Variants in SCN3A observed in about 807,000 individuals in gnomAD.
SCN3A encodes sodium channel protein type 3 subunit alpha.
A neutral mutation model predicts 187.6 loss-of-function variants in SCN3A; 60 were observed. The observed-to-expected ratio is 0.32, with a 90% confidence interval of 0.26 to 0.40. The LOEUF (loss-of-function observed/expected upper bound fraction) is 0.40. SCN3A is among the 10% of genes least tolerant of loss of function. The pLI, the probability that SCN3A is intolerant of heterozygous loss-of-function variation, is 1.00. For synonymous variants in SCN3A, 788 were observed against 829.2 expected, an observed-to-expected ratio of 0.95 and a Z score of 0.85; for missense variants, 1,601 against 2,428.2, an observed-to-expected ratio of 0.66 and a Z score of 7.16.
At chr2:165,102,516 T>G (rs1685655815) in intron 21 of SCN3A, among the ~76,000 whole-genome samples, 1 of 151,276 alleles carries the variant, frequency 6.6e-6, no homozygotes, top group Non-Finnish European at 1.5e-5. Context: ...GCCTCTTTTC[T>G]CTTTAAAAAA....
At chr2:165,161,137 C>CTTTTTTT (rs61608647) in intron 9 of SCN3A, among the ~76,000 whole-genome samples, 1,053 of 93,372 alleles carry the variant, frequency 0.011, no homozygotes, top group African/African-American at 0.013. Flanking sequence ...TTCTTTCTTT[C>CTTTTTTT]TTTTTTTTTT....
intron 6 of SCN3A, chr2:165,164,017 C>A: frequency 3.5e-6 from 3 of 861,118 alleles, no homozygotes; most frequent in Non-Finnish European, 5.5e-6. Flanking sequence ...AGACCTCAGG[C>A]TGCCATATGC....
At chr2:165,135,380 A>G (rs1176856214) in intron 15 of SCN3A, among the ~76,000 whole-genome samples, 3 of 152,104 alleles carry the variant, frequency 2.0e-5, no homozygotes, top group African/African-American at 4.8e-5. Context: ...AATGGGGCAT[A>G]TTGATCTAAG....
Position 165,168,721 on chromosome 2 carries a change from G to A in SCN3A, c.473+15C>T. On this transcript the variant is annotated intron_variant, in intron 5 of 27. Transcript: ENST00000283254. ...GAGTGTGCATTTCTCATTCCCAGAA[G>A]TTATTCCTACTTACTCTACATTCTT... 1 of 1,553,506 alleles carries A rather than the reference G, an allele frequency of 6.4e-7. No homozygotes were observed. Among genetic ancestry groups the A allele is most frequent in the East Asian group, 2.2e-5 (1 of 44,494 alleles).
chr2:165,116,620 T>A (rs960838646), intron 18 of SCN3A, among the ~76,000 whole-genome samples: 9 of 152,188 alleles, frequency 5.9e-5, no homozygotes, highest in African/African-American at 1.9e-4. Context: ...GTTACTGTGT[T>A]ATTTTTAAAA....
In SCN3A at chr2:165,091,298, A is replaced by G. The variant is rs199663956; in HGVS notation, c.4855T>C (p.Leu1619=). The G allele has an allele frequency of 4.8e-5, 78 of 1,614,108 alleles. 2 individuals carry two copies. The highest frequency in any genetic ancestry group is 4.8e-4 in the South Asian group (44 of 91,088). Residue 1619 remains leucine, a synonymous_variant, in exon 28 of 28, where the codon TTG becomes CTG. Transcript: ENST00000283254. ...MIEKYFVSPT[L]FRVIRLARIG... Reference sequence around the variant, plus strand: ...CTGGCAAGACGGATCACTCGGAACAAGGTAGGGGACACAAAATACTTTTCT... The same window carrying G: ...CTGGCAAGACGGATCACTCGGAACAGGGTAGGGGACACAAAATACTTTTCT...
chr2:165,097,057 T>C (rs977699732), intron 23 of SCN3A, among the ~76,000 whole-genome samples, 195 bp downstream of exon 23: 1 of 152,054 alleles, frequency 6.6e-6, no homozygotes, highest in Non-Finnish European at 1.5e-5. Flanking sequence ...ACTAAAAGCT[T>C]AACACTAAGG....
At position 165,179,283 on chromosome 2, in the gene SCN3A, G is replaced by A. The variant is rs139435860; in HGVS notation, c.-50-2839C>T. Among the ~76,000 whole-genome samples, 7 of 152,296 alleles carry A rather than the reference G, an allele frequency of 4.6e-5. No homozygotes were observed. The East Asian group carries it at 1.4e-3, about 29-fold the overall frequency. The stretch of plus-strand genomic sequence containing the variant: ...ATGGTATGCCTGTATCATCTAACCT[G>A]TCTCAGCCTCAGTATCATTGAGGCA... On this transcript the variant is annotated intron_variant, in intron 2 of 27. Coordinates refer to ENST00000283254, the MANE Select transcript of SCN3A (RefSeq NM_006922.4).
At chr2:165,121,085 A>G (rs1686653087) in intron 18 of SCN3A, among the ~76,000 whole-genome samples, 1 of 152,024 alleles carries the variant, frequency 6.6e-6, no homozygotes, top group Admixed American at 6.6e-5. Context: ...TTTCAGCAGA[A>G]GTACACTAAA....
chr2:165,187,224 T>C (rs1452136944), intron 1 of SCN3A, among the ~76,000 whole-genome samples: 1 of 152,218 alleles, frequency 6.6e-6, no homozygotes, highest in Non-Finnish European at 1.5e-5. Context: ...CCAGTTTGAT[T>C]GGCTTACTAA....
intron 18 of SCN3A, among the ~76,000 whole-genome samples, chr2:165,124,188 G>C (rs975797485): frequency 3.3e-5 from 5 of 151,922 alleles, no homozygotes; most frequent in Admixed American, 2.6e-4. Context: ...TTTTTGTTCA[G>C]GTAAGAAATG....
intron 3 of SCN3A, 59 bp from the exon 4 acceptor site, chr2:165,170,607 T>C: frequency 9.8e-7 from 1 of 1,016,032 alleles, no homozygotes; most frequent in Non-Finnish European, 1.6e-6. Flanking sequence ...TTAAAGAGCT[T>C]ACATACATGA....
intron 9 of SCN3A, among the ~76,000 whole-genome samples, chr2:165,159,588 C>G (rs1383642495): frequency 1.5e-5 from 2 of 134,076 alleles, no homozygotes; most frequent in African/African-American, 6.2e-5. Context: ...GTCTCAAACT[C>G]TTGGGCTCAA....
intron 18 of SCN3A, among the ~76,000 whole-genome samples, chr2:165,127,137 C>A (rs1163743856): frequency 6.6e-6 from 1 of 152,182 alleles, no homozygotes; most frequent in Non-Finnish European, 1.5e-5. Flanking sequence ...TGGCTCACTG[C>A]AGCCTCTACC....
intron 12 of SCN3A, among the ~76,000 whole-genome samples, chr2:165,142,952 A>T (rs1229091528): frequency 6.6e-6 from 1 of 152,062 alleles, no homozygotes; most frequent in Non-Finnish European, 1.5e-5. Context: ...GGGTTTCACC[A>T]TGATGGTCAA....
At chr2:165,118,719 T>C (rs1315834745) in intron 18 of SCN3A, among the ~76,000 whole-genome samples, 1 of 152,158 alleles carries the variant, frequency 6.6e-6, no homozygotes, top group Non-Finnish European at 1.5e-5. Context: ...CCCAAGTAGC[T>C]GGGGCTGTAG....
chr2:165,180,912 A>G (rs952959448), intron 2 of SCN3A, among the ~76,000 whole-genome samples: 1 of 152,140 alleles, frequency 6.6e-6, no homozygotes, highest in African/African-American at 2.4e-5. Flanking sequence ...AACCCAAAGA[A>G]CTTTTGTTTA....
chr2:165,101,095 T>A (rs1305573269), intron 21 of SCN3A, among the ~76,000 whole-genome samples: 2 of 152,162 alleles, frequency 1.3e-5, no homozygotes, highest in Non-Finnish European at 2.9e-5. Flanking sequence ...GCATCCCTAA[T>A]CTAAAAATCT....
intron 11 of SCN3A, among the ~76,000 whole-genome samples, chr2:165,150,279 G>T (rs1319615791): frequency 6.6e-6 from 1 of 152,148 alleles, no homozygotes; most frequent in Non-Finnish European, 1.5e-5. Flanking sequence ...TGGAAGTGAT[G>T]CTAGCCTTCA....
Sources: gnomAD v4.1 joint callset for allele counts (sites outside exome capture counted in the v4.1 genomes callset) on GRCh38, gnomAD v4.1.1 for gene constraint, MANE v1.5 for transcripts, NCBI Gene and HGNC (gene_info 2026-07-23, HGNC 2026-07-21) for gene names.